GLIS3: variants seen among roughly 807,000 people sequenced by gnomAD.
The protein encoded by GLIS3 is zinc finger protein GLIS3.
GLIS3 carries 53 observed loss-of-function variants against 78.6 expected under a neutral mutation model. That is an observed-to-expected ratio of 0.67 (90% CI 0.54 to 0.85). GLIS3 has a LOEUF of 0.85. GLIS3 is among the 40% of genes least tolerant of loss of function. The pLI, the probability that GLIS3 is intolerant of heterozygous loss-of-function variation, is 0.00. For missense variants in GLIS3, 1,703 were observed against 1,231.1 expected (o/e 1.38, Z -5.74); for synonymous variants, 684 against 509.9 (o/e 1.34, Z -4.60).
intron 7 of GLIS3, 83 bp from the exon 8 acceptor site, chr9:3,879,678 T>C: frequency 6.9e-7 from 1 of 1,440,382 alleles, no homozygotes; most frequent in Non-Finnish European, 9.6e-7. Context: ...ACAGCAAGCA[T>C]ATTTGAGGGG....
At chr9:4,481,351 G>A in the GLIS3 span, among the ~76,000 whole-genome samples, 1 of 152,114 alleles carries the variant, frequency 6.6e-6, no homozygotes, top group Non-Finnish European at 1.5e-5. Flanking sequence ...GGGTATGGTG[G>A]TGTGTGCCTG....
intron 4 of GLIS3, among the ~76,000 whole-genome samples, chr9:3,941,727 T>A (rs914517142): frequency 7.9e-5 from 12 of 152,260 alleles, no homozygotes; most frequent in Admixed American, 1.3e-4. Flanking sequence ...CTGCACTGCA[T>A]GAAGCCTCAC....
chr9:4,143,264 G>A (rs1276241694), intron 2 of GLIS3, among the ~76,000 whole-genome samples: 2 of 151,888 alleles, frequency 1.3e-5, no homozygotes, highest in East Asian at 3.9e-4. Context: ...TGTGTAGTGA[G>A]AAGTTAAGAT....
chr9:3,889,942 G>A (rs562890509), intron 7 of GLIS3, among the ~76,000 whole-genome samples: 2 of 152,104 alleles, frequency 1.3e-5, no homozygotes, highest in African/African-American at 4.8e-5. Context: ...AAAAGACTAG[G>A]GAACTGTTTT....
chr9:3,911,539 C>G (rs1345863384), intron 6 of GLIS3, among the ~76,000 whole-genome samples: 2 of 152,200 alleles, frequency 1.3e-5, no homozygotes, highest in African/African-American at 4.8e-5. Context: ...AAAATTGTCT[C>G]TACCCTATGA....
chr9:4,150,547 T>C (rs1034816455), intron 2 of GLIS3, among the ~76,000 whole-genome samples: 7 of 152,170 alleles, frequency 4.6e-5, no homozygotes, highest in Admixed American at 1.3e-4. Context: ...TCAGAAAATA[T>C]CGATTCCTCT....
intron 2 of GLIS3, among the ~76,000 whole-genome samples, chr9:4,241,622 T>A (rs1235410372): frequency 6.6e-6 from 1 of 152,186 alleles, no homozygotes; most frequent in Non-Finnish European, 1.5e-5. Flanking sequence ...TTAAAAAAAA[T>A]TTAATGCAAG....
At chr9:4,131,576 T>C (rs951502321) in intron 2 of GLIS3, among the ~76,000 whole-genome samples, 3 of 130,204 alleles carry the variant, frequency 2.3e-5, no homozygotes, top group Admixed American at 7.6e-5. Context: ...TCTCCCTTCC[T>C]CCTGCTCCAG....
intron 6 of GLIS3, among the ~76,000 whole-genome samples, chr9:3,920,882 C>G (rs937221979): frequency 6.6e-6 from 1 of 152,160 alleles, no homozygotes; most frequent in Non-Finnish European, 1.5e-5. Context: ...AGCTTCTTGT[C>G]TTCGTGCCTT....
chr9:4,442,486 G>T, the GLIS3 span, among the ~76,000 whole-genome samples: 1 of 152,026 alleles, frequency 6.6e-6, no homozygotes, highest in Non-Finnish European at 1.5e-5. Context: ...CCAGAACTTG[G>T]GAGTGAAAAC....
the GLIS3 span, among the ~76,000 whole-genome samples, chr9:4,461,385 G>C: frequency 1.3e-5 from 2 of 152,202 alleles, no homozygotes; most frequent in East Asian, 3.9e-4. Context: ...TCTTCTCACA[G>C]AGCCTTAAAA....
chr9:4,125,587 C>T, intron 3 of GLIS3, 147 bp downstream of exon 3: 4 of 722,542 alleles, frequency 5.5e-6, no homozygotes, highest in Non-Finnish European at 1.0e-5. Context: ...ACATATTCCC[C>T]TACAAACCTC....
intron 2 of GLIS3, among the ~76,000 whole-genome samples, chr9:4,209,847 C>G (rs1447811804): frequency 6.6e-6 from 1 of 151,002 alleles, no homozygotes; most frequent in Non-Finnish European, 1.5e-5. Flanking sequence ...CAAAATGTCT[C>G]CAAGCATTGG....
chr9:3,987,123 T>A (rs1052580011), intron 4 of GLIS3, among the ~76,000 whole-genome samples: 1 of 151,686 alleles, frequency 6.6e-6, no homozygotes, highest in Admixed American at 6.6e-5. Flanking sequence ...AGAAAAGAAA[T>A]GGAAGCTACA....
intron 9 of GLIS3, among the ~76,000 whole-genome samples, chr9:3,842,387 G>A (rs1267681925): frequency 2.0e-5 from 3 of 152,174 alleles, no homozygotes; most frequent in Non-Finnish European, 2.9e-5. Flanking sequence ...CAGAAGAATT[G>A]CTTGAACCTG....
At position 4,286,038 on chromosome 9, in the gene GLIS3, C is replaced by A. The variant is rs777378754; in HGVS notation, c.388G>T (p.Gly130Trp). The A allele has an allele frequency of 6.2e-7, 1 of 1,614,100 alleles. No individual in the cohort carries two copies. The highest frequency in any genetic ancestry group is 1.7e-5 in the Admixed American group (1 of 60,016). Reference protein sequence around the residue: ...GSPFPPNPGKGALGFGPQCKS... With the variant: ...GSPFPPNPGKWALGFGPQCKS... ...AAAGGTTCCAGAAAGACAATCCTACCTTTCCCAGGATTTGGAGGAAAAGGG... is the reference window on the plus strand; with the variant it reads ...AAAGGTTCCAGAAAGACAATCCTACATTTCCCAGGATTTGGAGGAAAAGGG... The change falls in exon 2 of 11, where the codon GGG (glycine) becomes TGG (tryptophan). Residue 130 changes from glycine to tryptophan, a missense_variant and splice_region_variant. Coordinates refer to ENST00000381971, the MANE Select transcript of GLIS3 (RefSeq NM_001042413.2).
At chr9:4,319,120 A>T (rs71510214) in intron 2 of GLIS3, among the ~76,000 whole-genome samples, 3,031 of 152,352 alleles carry the variant, frequency 0.02, 112 homozygotes, top group African/African-American at 0.069. Context: ...AATATACATG[A>T]CAACAAAATG....
At chr9:3,962,804 C>T (rs528241694) in intron 4 of GLIS3, among the ~76,000 whole-genome samples, 6 of 152,194 alleles carry the variant, frequency 3.9e-5, no homozygotes, top group South Asian at 2.1e-4. Context: ...TCCCCCACCC[C>T]GAAACCCTGC....
At chr9:4,333,472 A>G (rs1433321094) in intron 2 of GLIS3, among the ~76,000 whole-genome samples, 3 of 152,236 alleles carry the variant, frequency 2.0e-5, no homozygotes, top group Non-Finnish European at 4.4e-5. Flanking sequence ...ATCTTAAAAC[A>G]GAAGGAGAGA....
Sources: gnomAD v4.1 joint callset for allele counts (sites outside exome capture counted in the v4.1 genomes callset) on GRCh38, gnomAD v4.1.1 for gene constraint, MANE v1.5 for transcripts, NCBI Gene and HGNC (gene_info 2026-07-23, HGNC 2026-07-21) for gene names.